Variants in CFAP61 observed in about 807,000 individuals in gnomAD.
The protein encoded by CFAP61 is cilia- and flagella-associated protein 61.
Under a neutral mutation model 135.6 loss-of-function variants are expected in CFAP61, and 107 were observed. The observed-to-expected ratio is 0.79, with a 90% CI of 0.67 to 0.93. The LOEUF is 0.93. CFAP61 is among the 40% of genes least tolerant of loss of function. The pLI is 0.00. For missense variants in CFAP61, 1,507 were observed against 1,556.2 expected, an observed-to-expected ratio of 0.97 and a Z score of 0.53; for synonymous variants, 575 against 578.5, an observed-to-expected ratio of 0.99 and a Z score of 0.09.
At chr20:20,220,980 AG>A (rs530070650) in intron 17 of CFAP61, 9 of 152,226 alleles carry the variant, frequency 5.9e-5, no homozygotes, top group Non-Finnish European at 1.0e-4. Context: ...GAACAATGCA[AG>A]TCAGGTAATT....
At chr20:20,061,139 T>G (rs2044767273) in intron 2 of CFAP61, among the ~76,000 whole-genome samples, 1 of 152,140 alleles carries the variant, frequency 6.6e-6, no homozygotes, top group Non-Finnish European at 1.5e-5. Context: ...ATTAACATGG[T>G]TAAGATCATC....
chr20:20,133,663 G>A (rs540191269), intron 8 of CFAP61, among the ~76,000 whole-genome samples: 1 of 152,152 alleles, frequency 6.6e-6, no homozygotes, highest in South Asian at 2.1e-4. Context: ...TCTTTTTCCT[G>A]ACCTAAGGAG....
chr20:20,325,879 G>A (rs1470080571), intron 25 of CFAP61, among the ~76,000 whole-genome samples: 1 of 152,176 alleles, frequency 6.6e-6, no homozygotes, highest in African/African-American at 2.4e-5. Context: ...AGCATTTGGT[G>A]TTGTTAATGT....
chr20:20,198,811 C>T (rs139959291), intron 16 of CFAP61, among the ~76,000 whole-genome samples: 1 of 152,274 alleles, frequency 6.6e-6, no homozygotes, highest in Non-Finnish European at 1.5e-5. Context: ...AGGGCCGGGG[C>T]TATTTTTAGA....
At chr20:20,099,536 T>A (rs1181952731) in intron 8 of CFAP61, among the ~76,000 whole-genome samples, 1 of 151,238 alleles carries the variant, frequency 6.6e-6, no homozygotes, top group Non-Finnish European at 1.5e-5. Flanking sequence ...AAAGCTGGAT[T>A]TCTTCATTTG....
intron 17 of CFAP61, among the ~76,000 whole-genome samples, chr20:20,218,232 G>T (rs1013406852): frequency 2.0e-5 from 3 of 152,092 alleles, no homozygotes; most frequent in Non-Finnish European, 4.4e-5. Flanking sequence ...ATTGAATCAT[G>T]GGGACTGGTC....
chr20:20,310,033 C>T (rs2056729750), intron 25 of CFAP61, among the ~76,000 whole-genome samples: 1 of 152,136 alleles, frequency 6.6e-6, no homozygotes, highest in Non-Finnish European at 1.5e-5. Context: ...CTCGCTCTGT[C>T]ACCCAGGCTG....
intron 6 of CFAP61, chr20:20,085,417 A>G (rs1254288018): frequency 1.5e-6 from 2 of 1,362,644 alleles, no homozygotes; most frequent in African/African-American, 3.0e-5. Flanking sequence ...TACCCCAAGG[A>G]ATGCATTTAG....
chr20:20,089,228 C>A (rs2047009921), intron 6 of CFAP61, among the ~76,000 whole-genome samples: 1 of 152,204 alleles, frequency 6.6e-6, no homozygotes, highest in Non-Finnish European at 1.5e-5. Flanking sequence ...CATATCACGG[C>A]TCTGCTGCCA....
chr20:20,306,128 C>A (rs754385049), intron 25 of CFAP61, among the ~76,000 whole-genome samples: 1 of 152,186 alleles, frequency 6.6e-6, no homozygotes. Flanking sequence ...GTGGAAGTAA[C>A]CTTTCCTGGG....
At chr20:20,139,999 A>T (rs2051240988) in intron 8 of CFAP61, among the ~76,000 whole-genome samples, 1 of 152,142 alleles carries the variant, frequency 6.6e-6, no homozygotes, top group South Asian at 2.1e-4. Flanking sequence ...ACTGATAATG[A>T]GGTTTTTTTA....
chr20:20,345,883 C>CTTTTTT (rs756813997), intron 26 of CFAP61, among the ~76,000 whole-genome samples: 19 of 50,464 alleles, frequency 3.8e-4, no homozygotes, highest in South Asian at 1.5e-3. Context: ...GATTGTGCCA[C>CTTTTTT]TTTTTTTTTT....
At chr20:20,308,236 C>G (rs2056593387) in intron 25 of CFAP61, among the ~76,000 whole-genome samples, 1 of 152,176 alleles carries the variant, frequency 6.6e-6, no homozygotes, top group Non-Finnish European at 1.5e-5. Context: ...GATGTAGCAT[C>G]TATGAACAGT....
At chr20:20,332,821 A>G (rs1033897604) in intron 25 of CFAP61, among the ~76,000 whole-genome samples, 5 of 152,054 alleles carry the variant, frequency 3.3e-5, no homozygotes, top group South Asian at 2.1e-4. Flanking sequence ...GCGTCTCCCT[A>G]TGTTGCCCAG....
Position 20,231,522 on chromosome 20 carries a change from C to T in CFAP61, c.2060+3146C>T, listed in dbSNP as rs547124591. ...GCTTCTACAGTCTCCCTCAGCCCTG[C>T]GGGAGACCTCCAGGGGTGGAGATGG... On this transcript the variant is annotated intron_variant, in intron 18 of 26. Coordinates refer to ENST00000245957, the MANE Select transcript of CFAP61 (RefSeq NM_015585.4). Among the ~76,000 whole-genome samples the T allele has an allele frequency of 1.2e-3, 182 of 152,220 alleles. 2 individuals carry two copies. Among genetic ancestry groups the T allele is most frequent in the African/African-American group, 4.2e-3 (175 of 41,546 alleles).
intron 25 of CFAP61, among the ~76,000 whole-genome samples, chr20:20,314,573 A>C (rs1404024418): frequency 6.7e-6 from 1 of 148,680 alleles, no homozygotes; most frequent in East Asian, 2.0e-4. Context: ...TTTAGGGTAC[A>C]TGTGCACAAT....
At chr20:20,150,665 C>G (rs937072667) in intron 9 of CFAP61, among the ~76,000 whole-genome samples, 1 of 152,208 alleles carries the variant, frequency 6.6e-6, no homozygotes, top group African/African-American at 2.4e-5. Context: ...ACTCCCCTGC[C>G]ACCTCCACCA....
intron 2 of CFAP61, among the ~76,000 whole-genome samples, chr20:20,067,125 A>G (rs1047899071): frequency 3.9e-5 from 6 of 152,062 alleles, no homozygotes; most frequent in African/African-American, 4.8e-5. Flanking sequence ...TTTTGGCTAT[A>G]CTCGGAAAAT....
intron 18 of CFAP61, among the ~76,000 whole-genome samples, chr20:20,238,046 T>C (rs146281513): frequency 5.9e-5 from 9 of 152,316 alleles, no homozygotes; most frequent in African/African-American, 1.9e-4. Flanking sequence ...TTTTTTAAAA[T>C]AAACAAATTA....
Sources: gnomAD v4.1 joint callset for allele counts (sites outside exome capture counted in the v4.1 genomes callset) on GRCh38, gnomAD v4.1.1 for gene constraint, MANE v1.5 for transcripts, NCBI Gene and HGNC (gene_info 2026-07-23, HGNC 2026-07-21) for gene names.